The following MAPKAP1 variants were observed in gnomAD, a reference collection of about 807,000 sequenced individuals.
MAPKAP1 encodes MAPK associated protein 1.
MAPKAP1 carries 20 observed loss-of-function variants against 65.7 expected under a neutral mutation model. The observed-to-expected ratio is 0.30, with a 90% CI of 0.21 to 0.44. The LOEUF (loss-of-function observed/expected upper bound fraction) is 0.44. Ranked by LOEUF, MAPKAP1 falls within the 20% of genes least tolerant of loss-of-function variation. The pLI is 1.00. For synonymous variants in MAPKAP1, 222 were observed against 244.3 expected, an observed-to-expected ratio of 0.91 and a Z score of 0.85; for missense variants, 423 against 648.0, an observed-to-expected ratio of 0.65 and a Z score of 3.77.
intron 4 of MAPKAP1, among the ~76,000 whole-genome samples, chr9:125,620,843 T>TA (rs1371157828): frequency 1.3e-5 from 2 of 151,834 alleles, no homozygotes; most frequent in Admixed American, 1.3e-4. Context: ...TACAACCTAG[T>TA]AAAGTGGGTA....
chr9:125,702,168 A>G (rs1835618044), intron 1 of MAPKAP1, among the ~76,000 whole-genome samples: 1 of 152,332 alleles, frequency 6.6e-6, no homozygotes, highest in African/African-American at 2.4e-5. Flanking sequence ...AGGCCATGGC[A>G]GGAGTATCAT....
intron 7 of MAPKAP1, among the ~76,000 whole-genome samples, chr9:125,533,377 A>G (rs1286056223): frequency 6.6e-6 from 1 of 152,178 alleles, no homozygotes; most frequent in East Asian, 1.9e-4. Context: ...GGCTGATAAC[A>G]TTCAGTGCTG....
intron 5 of MAPKAP1, among the ~76,000 whole-genome samples, chr9:125,582,744 T>C (rs1831662412): frequency 6.6e-6 from 1 of 152,260 alleles, no homozygotes; most frequent in Non-Finnish European, 1.5e-5. Context: ...TTCTAGTTTC[T>C]GTCATTTCCT....
chr9:125,564,834 G>C (rs1346842415), intron 5 of MAPKAP1, among the ~76,000 whole-genome samples: 2 of 152,182 alleles, frequency 1.3e-5, no homozygotes, highest in Non-Finnish European at 2.9e-5. Context: ...CAGACAGCAT[G>C]AAGCAGAGAC....
At chr9:125,565,863 T>A (rs1831038398) in intron 5 of MAPKAP1, 1 of 233,878 alleles carries the variant, frequency 4.3e-6, no homozygotes, top group African/African-American at 2.4e-5. Flanking sequence ...CCCTCCAGTG[T>A]GTATCTACCA....
chr9:125,455,949 T>G (rs1339682185), intron 10 of MAPKAP1, among the ~76,000 whole-genome samples: 1 of 152,266 alleles, frequency 6.6e-6, no homozygotes, highest in Non-Finnish European at 1.5e-5. Context: ...ACAAATTATT[T>G]CATTTTTTTT....
chr9:125,514,327 C>T (rs1829398056), intron 7 of MAPKAP1, among the ~76,000 whole-genome samples: 1 of 152,150 alleles, frequency 6.6e-6, no homozygotes, highest in Non-Finnish European at 1.5e-5. Context: ...TATAATTTAC[C>T]AGCTCAAGCT....
At chr9:125,586,693 T>G (rs115729718) in intron 4 of MAPKAP1, among the ~76,000 whole-genome samples, 1,708 of 152,250 alleles carry the variant, frequency 0.011, 41 homozygotes, top group African/African-American at 0.038. Context: ...CCGCCAACCT[T>G]CTGGCCATTC....
chr9:125,537,555 CACT>C (rs747420243), intron 7 of MAPKAP1, among the ~76,000 whole-genome samples: 8 of 152,188 alleles, frequency 5.3e-5, no homozygotes, highest in Admixed American at 2.0e-4. Context: ...GATCATGCCT[CACT>C]GTAGCCTTGA....
Position 125,439,654 on chromosome 9 carries a change from C to T in MAPKAP1, c.1444-642G>A, listed in dbSNP as rs1184926006. Among the ~76,000 whole-genome samples, 1 of 152,278 alleles carries T rather than the reference C, an allele frequency of 6.6e-6. No homozygotes were observed. Among genetic ancestry groups the T allele is most frequent in the Non-Finnish European group, 1.5e-5 (1 of 68,048 alleles). On this transcript the variant is annotated intron_variant, in intron 11 of 11. Transcript: ENST00000265960. This position sits in a 1 kb window ranked among gnomAD's most constrained non-coding sequence, Gnocchi z 4.0. Reference sequence around the variant, plus strand: ...AGCCCTGTGTGAAGGGCGGGGCTGCCTCCTGGGCTCCTCTCAGGCCTTCTG... The same window carrying T: ...AGCCCTGTGTGAAGGGCGGGGCTGCTTCCTGGGCTCCTCTCAGGCCTTCTG...
Position 125,701,510 on chromosome 9 carries a change from T to A in MAPKAP1, c.-70+5461A>T, listed in dbSNP as rs566201041. ...GTCAACTGCACTTGCTACTAAACTG[T>A]GATTCACTGGCTGTTAGTGGTATCC... is the stretch of plus-strand genomic sequence containing the variant. On this transcript the variant is annotated intron_variant, in intron 1 of 11. Transcript: ENST00000265960. 7.2e-5 allele frequency among the ~76,000 whole-genome samples: 11 copies of A among 152,292 alleles called. 1 individual carries two copies. In the South Asian group the frequency reaches 2.3e-3, roughly 32 times the overall value.
rs1304802455 is a variant in MAPKAP1, at chr9:125,707,189, T to C, written c.-288A>G. On this transcript the variant is annotated 5_prime_UTR_variant, in exon 1 of 12. Coordinates refer to ENST00000265960, the MANE Select transcript of MAPKAP1 (RefSeq NM_001006617.3). ...CCGGCCGGCCGAGCAGCAGCCCTAT[T>C]ACCCCGAGCCGCACACGACCCGGAA... 5.0e-6 allele frequency: 2 copies of C among 397,852 alleles called. No homozygotes were observed. Among genetic ancestry groups the C allele is most frequent in the Non-Finnish European group, 8.9e-6 (2 of 225,668 alleles). 24.6% of individuals were successfully genotyped at this position (397,852 alleles called of 1,614,324 possible).
At chr9:125,521,587 C>A in intron 7 of MAPKAP1, 9 of 1,451,240 alleles carry the variant, frequency 6.2e-6, no homozygotes, top group South Asian at 1.5e-5. Flanking sequence ...GGTGCTAAAT[C>A]ACACTGCAGA....
At chr9:125,692,043 C>G (rs1011452286) in intron 1 of MAPKAP1, among the ~76,000 whole-genome samples, 1 of 152,172 alleles carries the variant, frequency 6.6e-6, no homozygotes, top group Non-Finnish European at 1.5e-5. Context: ...AGAAAGGAGG[C>G]TGACCTTATG....
rs1249859300 is a variant in MAPKAP1, at chr9:125,595,963, C to G, written c.499-10236G>C. 1.6e-5 allele frequency: 24 copies of G among 1,483,166 alleles called. No homozygotes were observed. The East Asian group carries it at 5.2e-4, about 32-fold the overall frequency. 91.9% of individuals were successfully genotyped at this position (1,483,166 alleles called of 1,614,324 possible). ...AGAGAAGATTCTCAAAGACCAGGTG[C>G]CCACTTAACTGTGAAAAAGATATTT... On this transcript the variant is annotated intron_variant, in intron 4 of 11. Coordinates refer to ENST00000265960, the MANE Select transcript of MAPKAP1 (RefSeq NM_001006617.3). This position sits in a 1 kb window ranked among gnomAD's most constrained non-coding sequence, Gnocchi z 4.0.
intron 4 of MAPKAP1, among the ~76,000 whole-genome samples, chr9:125,650,689 G>C (rs1477595649): frequency 2.0e-5 from 3 of 152,186 alleles, no homozygotes; most frequent in Admixed American, 6.5e-5. Flanking sequence ...AGACTGGCAA[G>C]GTTCACAGCT....
chr9:125,681,305 G>A (rs1229119245), intron 1 of MAPKAP1, among the ~76,000 whole-genome samples: 1 of 152,204 alleles, frequency 6.6e-6, no homozygotes, highest in Non-Finnish European at 1.5e-5. Flanking sequence ...TGCAGCTTCT[G>A]CCCTGGCCTC....
intron 1 of MAPKAP1, among the ~76,000 whole-genome samples, chr9:125,700,629 T>C (rs1369339523): frequency 2.6e-5 from 4 of 152,240 alleles, no homozygotes; most frequent in Non-Finnish European, 5.9e-5. Flanking sequence ...AATTTTGTGT[T>C]GCCTATATTA....
intron 4 of MAPKAP1, among the ~76,000 whole-genome samples, chr9:125,652,483 T>C (rs1374068696): frequency 6.6e-6 from 1 of 152,170 alleles, no homozygotes; most frequent in African/African-American, 2.4e-5. Flanking sequence ...TTAGCACTCA[T>C]GAATTATCCC....
Sources: gnomAD v4.1 joint callset for allele counts (sites outside exome capture counted in the v4.1 genomes callset) on GRCh38, gnomAD v4.1.1 for gene constraint, Gnocchi (gnomAD v3.1) non-coding constraint, MANE v1.5 for transcripts, NCBI Gene and HGNC (gene_info 2026-07-23, HGNC 2026-07-21) for gene names.